RBFOX1: variants seen among roughly 807,000 people sequenced by gnomAD.
RBFOX1 encodes RNA binding protein fox-1 homolog 1.
Under a neutral mutation model 57.7 loss-of-function variants are expected in RBFOX1, and 8 were observed. That is an observed-to-expected ratio of 0.14 (90% CI 0.08 to 0.25). RBFOX1 has a LOEUF of 0.25. Among genes scored for constraint, RBFOX1 ranks in the 10% least tolerant of loss-of-function variants. RBFOX1 has a pLI of 1.00. For missense variants in RBFOX1, 611 were observed against 548.5 expected (o/e 1.11, Z -1.14); for synonymous variants, 326 against 222.4 (o/e 1.47, Z -4.15).
chr16:5,717,446 C>G (rs1317424249), intron 3 of RBFOX1, among the ~76,000 whole-genome samples: 1 of 152,050 alleles, frequency 6.6e-6, no homozygotes, highest in Non-Finnish European at 1.5e-5. Context: ...TTTTGGTGCA[C>G]CCATCACCCA....
chr16:6,756,899 G>C (rs1989022), intron 3 of RBFOX1, among the ~76,000 whole-genome samples: 114,511 of 151,766 alleles, frequency 0.75, 44,129 homozygotes, highest in East Asian at 0.88. Context: ...TGCTTGAACC[G>C]AGGGGATGGA....
intron 3 of RBFOX1, among the ~76,000 whole-genome samples, chr16:6,688,002 G>T (rs1161458613): frequency 6.6e-6 from 1 of 152,200 alleles, no homozygotes; most frequent in Non-Finnish European, 1.5e-5. Context: ...CATCTTCTAT[G>T]CCAAGCACTG....
At chr16:7,147,832 C>T (rs1567455479) in intron 4 of RBFOX1, among the ~76,000 whole-genome samples, 1 of 152,122 alleles carries the variant, frequency 6.6e-6, no homozygotes, top group African/African-American at 2.4e-5. Flanking sequence ...TGGGCATATA[C>T]CCAGTCATGG....
At chr16:6,059,962 C>G (rs925640238) in intron 1 of RBFOX1, among the ~76,000 whole-genome samples, 1 of 152,042 alleles carries the variant, frequency 6.6e-6, no homozygotes, top group African/African-American at 2.4e-5. Context: ...AGATGAAGGA[C>G]ATTCTGGCTC....
At chr16:6,632,452 T>A (rs539050149) in intron 2 of RBFOX1, among the ~76,000 whole-genome samples, 1 of 152,328 alleles carries the variant, frequency 6.6e-6, no homozygotes, top group African/African-American at 2.4e-5. Context: ...CCTGTGGTTA[T>A]GAGGATAGTG....
At chr16:7,699,716 AAAT>A (rs2080031501) in intron 14 of RBFOX1, among the ~76,000 whole-genome samples, 2 of 152,190 alleles carry the variant, frequency 1.3e-5, no homozygotes, top group African/African-American at 2.4e-5. Context: ...ATTCTGGAGA[AAAT>A]AAAAATGAGT....
At chr16:6,028,983 AT>A (rs113355303) in intron 1 of RBFOX1, among the ~76,000 whole-genome samples, 59 of 152,284 alleles carry the variant, frequency 3.9e-4, no homozygotes, top group African/African-American at 1.3e-3. Flanking sequence ...CTGAGCCTCC[AT>A]TTACTTGTCT....
At position 7,569,394 on chromosome 16, in the gene RBFOX1, C is replaced by A. The variant is rs1372248826; in HGVS notation, c.271-10383C>A. Among the ~76,000 whole-genome samples, 9 of 152,132 alleles carry A rather than the reference C, an allele frequency of 5.9e-5. No homozygotes were observed. In the South Asian group the frequency reaches 1.9e-3, roughly 32 times the overall value. The stretch of plus-strand genomic sequence containing the variant: ...CCACTGTCATTCTTGGGCTCATGGC[C>A]CCTTTCCCCATCTTCAAAATCAGTA... On this transcript the variant is annotated intron_variant, in intron 5 of 15. Transcript: ENST00000550418.
intron 4 of RBFOX1, among the ~76,000 whole-genome samples, chr16:7,266,580 T>A (rs1173770021): frequency 1.3e-5 from 2 of 152,158 alleles, no homozygotes; most frequent in East Asian, 3.9e-4. Flanking sequence ...TCACCAAAGC[T>A]CTATCTCTGA....
intron 3 of RBFOX1, among the ~76,000 whole-genome samples, chr16:5,649,464 C>T (rs8058899): frequency 0.54 from 81,728 of 151,982 alleles, 25,780 homozygotes; most frequent in Non-Finnish European, 0.72. Context: ...GCCACCATGC[C>T]GGGTCAGAAA....
At chr16:6,230,186 G>A (rs899154317) in intron 1 of RBFOX1, among the ~76,000 whole-genome samples, 10 of 152,184 alleles carry the variant, frequency 6.6e-5, no homozygotes, top group Admixed American at 4.6e-4. Context: ...GCATAGAAGA[G>A]ATGAAGTTAA....
chr16:5,306,893 T>G (rs2063951315), intron 1 of RBFOX1, among the ~76,000 whole-genome samples: 1 of 152,176 alleles, frequency 6.6e-6, no homozygotes, highest in Admixed American at 6.5e-5. Context: ...AAGGATAATT[T>G]GGTCTAAGTC....
intron 1 of RBFOX1, among the ~76,000 whole-genome samples, chr16:5,415,748 G>A (rs990897279): frequency 6.6e-6 from 1 of 152,178 alleles, no homozygotes; most frequent in African/African-American, 2.4e-5. Context: ...TATATTTAAA[G>A]AGAAAATATT....
chr16:6,768,467 A>C (rs1369250002), intron 3 of RBFOX1, among the ~76,000 whole-genome samples: 1 of 152,020 alleles, frequency 6.6e-6, no homozygotes, highest in African/African-American at 2.4e-5. Context: ...CCCAGCCCAC[A>C]CAAGCCTTCT....
At chr16:6,401,811 C>T (rs1260982543) in intron 2 of RBFOX1, among the ~76,000 whole-genome samples, 1 of 151,752 alleles carries the variant, frequency 6.6e-6, no homozygotes, top group Non-Finnish European at 1.5e-5. Context: ...ATGATTATTT[C>T]TTGGGCAGCT....
chr16:7,616,631 T>C (rs1340444798), intron 10 of RBFOX1, among the ~76,000 whole-genome samples: 2 of 152,142 alleles, frequency 1.3e-5, no homozygotes, highest in Non-Finnish European at 2.9e-5. Context: ...GGGCGTTATC[T>C]TGTTTCACTG....
At chr16:5,508,872 C>G (rs754121918) in intron 2 of RBFOX1, among the ~76,000 whole-genome samples, 1 of 152,180 alleles carries the variant, frequency 6.6e-6, no homozygotes, top group African/African-American at 2.4e-5. Flanking sequence ...CAAGTGGACC[C>G]GGAGGCTGTT....
At chr16:7,195,105 T>A (rs903284838) in intron 4 of RBFOX1, among the ~76,000 whole-genome samples, 18 of 152,206 alleles carry the variant, frequency 1.2e-4, no homozygotes, top group Non-Finnish European at 1.8e-4. Context: ...CTTCAGTCTA[T>A]CAACACCCTT....
intron 4 of RBFOX1, among the ~76,000 whole-genome samples, chr16:7,475,650 T>A (rs2062514700): frequency 6.6e-6 from 1 of 152,180 alleles, no homozygotes; most frequent in African/African-American, 2.4e-5. Context: ...GCTAAGATCA[T>A]GTTTCTGGCA....
Sources: allele counts gnomAD v4.1 joint callset (sites outside exome capture counted in the v4.1 genomes callset), GRCh38; gene constraint gnomAD v4.1.1; transcripts MANE v1.5; gene names NCBI Gene and HGNC (gene_info 2026-07-23, HGNC 2026-07-21).